Variants in LTBP1 observed in about 807,000 individuals in gnomAD.
LTBP1 encodes latent-transforming growth factor beta-binding protein 1.
A neutral mutation model predicts 207.6 loss-of-function variants in LTBP1; 129 were observed. The ratio of observed to expected loss-of-function variants is 0.62; its 90% CI spans 0.54 to 0.72. The LOEUF is 0.72. Among genes scored for constraint, LTBP1 ranks in the 30% least tolerant of loss-of-function variants. LTBP1 has a pLI of 0.00. For synonymous variants in LTBP1, 963 were observed against 833.7 expected, an observed-to-expected ratio of 1.16 and a Z score of -2.67; for missense variants, 2,281 against 2,217.2, an observed-to-expected ratio of 1.03 and a Z score of -0.58.
At chr2:32,953,158 C>T (rs1015372698) in intron 2 of LTBP1, among the ~76,000 whole-genome samples, 1 of 152,174 alleles carries the variant, frequency 6.6e-6, no homozygotes, top group African/African-American at 2.4e-5. Context: ...AGACATTTTC[C>T]TTAAATTATA....
At chr2:33,298,042 A>G (rs1055272720) in intron 20 of LTBP1, among the ~76,000 whole-genome samples, 3 of 152,234 alleles carry the variant, frequency 2.0e-5, no homozygotes, top group Non-Finnish European at 2.9e-5. Context: ...TGGTCCTCAC[A>G]TAATGTCAGG....
chr2:33,271,100 A>G (rs1372858171), intron 15 of LTBP1, among the ~76,000 whole-genome samples: 6 of 152,212 alleles, frequency 3.9e-5, no homozygotes, highest in African/African-American at 1.4e-4. Context: ...CATCACATAT[A>G]TTTGAAGACT....
At chr2:33,106,031 G>A (rs1157793457) in intron 3 of LTBP1, among the ~76,000 whole-genome samples, 1 of 152,184 alleles carries the variant, frequency 6.6e-6, no homozygotes, top group Non-Finnish European at 1.5e-5. Context: ...TTTCAACAAT[G>A]TTCACAGCAT....
At chr2:33,098,109 A>G (rs921309595) in intron 3 of LTBP1, among the ~76,000 whole-genome samples, 1 of 152,148 alleles carries the variant, frequency 6.6e-6, no homozygotes, top group African/African-American at 2.4e-5. Context: ...CCCCATGACA[A>G]TAGTTCTTTT....
intron 3 of LTBP1, among the ~76,000 whole-genome samples, chr2:33,057,693 GGGCCGGCACGGCT>G (rs2077070527): frequency 6.6e-6 from 1 of 152,234 alleles, no homozygotes; most frequent in African/African-American, 2.4e-5. Flanking sequence ...TCACTGCCCG[GGGCCGGCACGGCT>G]GGCCGGCAGC....
intron 20 of LTBP1, among the ~76,000 whole-genome samples, chr2:33,298,614 A>G (rs1323615796): frequency 1.3e-5 from 2 of 152,328 alleles, no homozygotes; most frequent in South Asian, 2.1e-4. Flanking sequence ...TTTGCTGGCA[A>G]CCATTCCTAA....
chr2:33,263,354 C>A lies in LTBP1; in HGVS notation c.2579C>A (p.Ser860Tyr). The A allele has an allele frequency of 6.2e-7, 1 of 1,613,940 alleles. No homozygotes were observed. Among genetic ancestry groups the A allele is most frequent in the Non-Finnish European group, 8.5e-7 (1 of 1,179,918 alleles). ...PVEVAPEASTSSASQVIAPTQ... is the reference protein window; with the variant it reads ...PVEVAPEASTYSASQVIAPTQ... Reference sequence around the variant, plus strand: ...GAAGTAGCTCCTGAAGCTTCTACGTCTAGTGCCAGCCAAGTGATTGCTCCT... The same window carrying A: ...GAAGTAGCTCCTGAAGCTTCTACGTATAGTGCCAGCCAAGTGATTGCTCCT... Residue 860 changes from serine (S) to tyrosine (Y), a missense_variant, in exon 15 of 34, where the codon TCT (serine) becomes TAT (tyrosine). Coordinates refer to ENST00000404816, the MANE Select transcript of LTBP1 (RefSeq NM_206943.4).
Position 33,087,084 on chromosome 2 carries a change from C to CTTTTTTTTTTTTTTTTTT in LTBP1, c.864-23491_864-23474dup, listed in dbSNP as rs35334788. Among the ~76,000 whole-genome samples the CTTTTTTTTTTTTTTTTTT allele has an allele frequency of 1.0e-3, 91 of 88,968 alleles. 10 individuals carry two copies. Among genetic ancestry groups the CTTTTTTTTTTTTTTTTTT allele is most frequent in the Non-Finnish European group, 1.6e-3 (77 of 48,356 alleles). 58.4% of individuals were successfully genotyped at this position (88,968 alleles called of 152,430 possible). A position where few individuals can be genotyped will look rare whatever the true frequency, so the allele number is the denominator to read the frequency against. On this transcript the variant is annotated intron_variant, in intron 3 of 33. Coordinates refer to ENST00000404816, the MANE Select transcript of LTBP1 (RefSeq NM_206943.4). ...AGCACCAGGCTGTCCCTCCTTTATG[C>CTTTTTTTTTTTTTTTTTT]TTTTTTTTTTTTTTTTTTTTTTTTG...
rs765345614 is a variant in LTBP1, at chr2:33,315,272, A to G, written c.3730+3A>G. ...TGCAGATGGCCGTACGTGTGAAGGT[A>G]AGATAAACCATACGAAATCATATTG... On this transcript the variant is annotated splice_donor_region_variant and intron_variant, in intron 24 of 33. Coordinates refer to ENST00000404816, the MANE Select transcript of LTBP1 (RefSeq NM_206943.4). 19 of 1,609,374 alleles carry G rather than the reference A, an allele frequency of 1.2e-5. No individual in the cohort carries two copies. The highest frequency in any genetic ancestry group is 1.4e-5 in the Non-Finnish European group (17 of 1,179,066).
At chr2:33,392,225 C>T (rs1329082947) in intron 32 of LTBP1, among the ~76,000 whole-genome samples, 5 of 151,110 alleles carry the variant, frequency 3.3e-5, no homozygotes, top group South Asian at 2.1e-4. Flanking sequence ...TCCTCTCTTG[C>T]ATAGGCTGGA....
Position 33,109,894 on chromosome 2 carries a change from C to A in LTBP1, c.864-688C>A, listed in dbSNP as rs78320458. ...AGGCTTAAAGAGATTAACCAGCTAA[C>A]CTTTAGCATTAGGCAGCGTTAGAAG... On this transcript the variant is annotated intron_variant, in intron 3 of 33. Coordinates refer to ENST00000404816, the MANE Select transcript of LTBP1 (RefSeq NM_206943.4). Among the ~76,000 whole-genome samples the A allele has an allele frequency of 2.6e-4, 40 of 152,296 alleles. No individual in the cohort carries two copies. In the East Asian group the frequency reaches 7.7e-3, roughly 29 times the overall value.
chr2:32,996,628 G>A (rs1176320023), intron 2 of LTBP1, among the ~76,000 whole-genome samples: 1 of 152,156 alleles, frequency 6.6e-6, no homozygotes, highest in Non-Finnish European at 1.5e-5. Context: ...CTAGAGGCAC[G>A]TGGAGCTTCA....
rs779103637 is a variant in LTBP1 at position 32,947,789 on chromosome 2, G to A, written c.465G>A (p.Leu155=). Residue 155 remains leucine, a synonymous_variant, in exon 1 of 34, where the codon CTG becomes CTA. Transcript: ENST00000404816. ...CCCAGAGCGGCGGAGGCTCTAGGCT[G>A]CAGGTTCACCAGAAGCAGCAGCTGC... ...QETQSGGGSR[L]QVHQKQQLQG... 1.3e-6 allele frequency: 2 copies of A among 1,484,342 alleles called. No homozygotes were observed. The highest frequency in any genetic ancestry group is 1.4e-5 in the South Asian group (1 of 73,162). The allele number at this position is 1,484,342 out of a possible 1,614,324, so 91.9% of individuals were successfully genotyped here. A position where few individuals can be genotyped will look rare whatever the true frequency, so the allele number is the denominator to read the frequency against.
At chr2:33,216,919 C>T (rs911884768) in intron 7 of LTBP1, among the ~76,000 whole-genome samples, 2 of 152,208 alleles carry the variant, frequency 1.3e-5, no homozygotes, top group African/African-American at 4.8e-5. Flanking sequence ...ACTCTTCTGC[C>T]TGCTCAAGCT....
Position 33,110,570 on chromosome 2 carries a change from G to T in LTBP1, c.864-12G>T, listed in dbSNP as rs746175180. ...TTATTTAATTCCTTCTCTTTATTTTGTTTCTTCCCAGAGTGACTCCTCTTT... is the reference window on the plus strand; with the variant it reads ...TTATTTAATTCCTTCTCTTTATTTTTTTTCTTCCCAGAGTGACTCCTCTTT... On this transcript the variant is annotated splice_polypyrimidine_tract_variant and intron_variant, in intron 3 of 33. Transcript: ENST00000404816. 6.2e-7 allele frequency: 1 copy of T among 1,605,182 alleles called. No homozygotes were observed. The highest frequency in any genetic ancestry group is 1.3e-5 in the African/African-American group (1 of 74,662).
chr2:33,190,398 T>C (rs1342325552), intron 7 of LTBP1, among the ~76,000 whole-genome samples: 1 of 152,232 alleles, frequency 6.6e-6, no homozygotes, highest in Non-Finnish European at 1.5e-5. Flanking sequence ...TTGTCACTGC[T>C]TTAGAAACCT....
Position 33,305,142 on chromosome 2 carries a change from A to G in LTBP1, c.3481+3498A>G, listed in dbSNP as rs570038416. On this transcript the variant is annotated intron_variant, in intron 22 of 33. Transcript: ENST00000404816. ...ATCTTAGCCAACATGGTGAAACCTC[A>G]TCTCTACTAAAAATACAAAAAAAAA... Among the ~76,000 whole-genome samples the G allele has an allele frequency of 5.3e-5, 8 of 152,132 alleles. No individual in the cohort carries two copies. The East Asian group carries it at 1.6e-3, about 30-fold the overall frequency.
At chr2:33,100,370 C>T (rs933254386) in intron 3 of LTBP1, among the ~76,000 whole-genome samples, 2 of 151,750 alleles carry the variant, frequency 1.3e-5, no homozygotes, top group Non-Finnish European at 2.9e-5. Context: ...TTGAAATTGG[C>T]TGAGATGAAC....
At chr2:33,253,015 A>G (rs1423344114) in intron 11 of LTBP1, among the ~76,000 whole-genome samples, 171 bp downstream of exon 11, 1 of 152,232 alleles carries the variant, frequency 6.6e-6, no homozygotes, top group Non-Finnish European at 1.5e-5. Flanking sequence ...AATCAGTGGG[A>G]AAAAATTATG....
Sources: allele counts gnomAD v4.1 joint callset (sites outside exome capture counted in the v4.1 genomes callset), GRCh38; gene constraint gnomAD v4.1.1; transcripts MANE v1.5; gene names NCBI Gene and HGNC (gene_info 2026-07-23, HGNC 2026-07-21).